PLEKHA6: variants seen among roughly 807,000 people sequenced by gnomAD.
PLEKHA6 encodes pleckstrin homology domain containing A6.
A neutral mutation model predicts 116.7 loss-of-function variants in PLEKHA6; 60 were observed. That is an observed-to-expected ratio of 0.51 (90% confidence interval 0.42 to 0.64). The LOEUF is 0.64. PLEKHA6 is among the 30% of genes least tolerant of loss of function. The probability of loss-of-function intolerance (pLI) is 0.00; values close to 1 mark genes in which losing one functional copy is unlikely to be tolerated. For synonymous variants in PLEKHA6, 489 were observed against 556.1 expected (o/e 0.88, Z 1.70); for missense variants, 1,338 against 1,422.7 (o/e 0.94, Z 0.96).
intron 1 of PLEKHA6, among the ~76,000 whole-genome samples, chr1:204,357,743 A>C (rs1673455121): frequency 6.6e-6 from 1 of 152,192 alleles, no homozygotes; most frequent in Non-Finnish European, 1.5e-5. Flanking sequence ...CCTGTTCAGC[A>C]CCAGTTGACA....
At chr1:204,234,347 T>A (rs1004867046) in intron 17 of PLEKHA6, among the ~76,000 whole-genome samples, 14 of 152,142 alleles carry the variant, frequency 9.2e-5, no homozygotes, top group African/African-American at 3.4e-4. Context: ...GGCACCTTGA[T>A]TTTGGACTTC....
Position 204,220,451 on chromosome 1 carries a change from G to A in PLEKHA6, c.*2337C>T, listed in dbSNP as rs921540851. Reference sequence around the variant, plus strand: ...GATGGAAGGAAGCCACTGTGGCAGAGGGACAGGCACAGGGTTGGGACCTAA... The same window carrying A: ...GATGGAAGGAAGCCACTGTGGCAGAAGGACAGGCACAGGGTTGGGACCTAA... On this transcript the variant is annotated 3_prime_UTR_variant, in exon 23 of 23. Coordinates refer to ENST00000272203, the MANE Select transcript of PLEKHA6 (RefSeq NM_014935.5). 2 of 152,622 alleles carry A rather than the reference G, an allele frequency of 1.3e-5. No individual in the cohort carries two copies. Among genetic ancestry groups the A allele is most frequent in the African/African-American group, 4.8e-5 (2 of 41,442 alleles). The allele number at this position is 152,622 out of a possible 1,614,324, so 9.5% of individuals were successfully genotyped here. A position where few individuals can be genotyped will look rare whatever the true frequency, so the allele number is the denominator to read the frequency against.
intron 1 of PLEKHA6, chr1:204,280,972 G>A (rs914025414): frequency 1.0e-6 from 1 of 981,154 alleles, no homozygotes; most frequent in Non-Finnish European, 1.2e-6. Context: ...AGGTCAAAGA[G>A]GGTCAGGCCC....
chr1:204,301,817 G>A (rs1183371959), intron 1 of PLEKHA6, among the ~76,000 whole-genome samples: 1 of 152,178 alleles, frequency 6.6e-6, no homozygotes, highest in African/African-American at 2.4e-5. Context: ...GTCAGTAACA[G>A]TGAAAAATGT....
intron 1 of PLEKHA6, among the ~76,000 whole-genome samples, chr1:204,307,170 A>G (rs1671397880): frequency 6.6e-6 from 1 of 152,184 alleles, no homozygotes; most frequent in African/African-American, 2.4e-5. Flanking sequence ...CACCACACAC[A>G]CACTCACACA....
intron 3 of PLEKHA6, among the ~76,000 whole-genome samples, chr1:204,272,375 T>G (rs974875546): frequency 6.6e-6 from 1 of 152,162 alleles, no homozygotes; most frequent in African/African-American, 2.4e-5. Flanking sequence ...CCTACTGGCC[T>G]GTTCCCCTCA....
chr1:204,345,908 C>G (rs1475738048), intron 1 of PLEKHA6, among the ~76,000 whole-genome samples: 2 of 152,218 alleles, frequency 1.3e-5, no homozygotes, highest in Non-Finnish European at 2.9e-5. Context: ...TGAACACACA[C>G]AAGAAAAGTG....
rs377000679 is a variant in PLEKHA6, at chr1:204,284,317, T to C, written c.-94-9508A>G. On this transcript the variant is annotated intron_variant, in intron 1 of 22. Transcript: ENST00000272203. ...CTCCTCACCTGCCCAGGGAGACCCA[T>C]TCTGCCTCCGGCCCCCAAGGAGGGC... is the stretch of plus-strand genomic sequence containing the variant. Among the ~76,000 whole-genome samples the C allele has an allele frequency of 6.6e-5, 10 of 152,302 alleles. No individual in the cohort carries two copies. In the East Asian group the frequency reaches 1.7e-3, roughly 26 times the overall value.
chr1:204,339,430 G>T (rs1478549261), intron 1 of PLEKHA6, among the ~76,000 whole-genome samples: 1 of 152,234 alleles, frequency 6.6e-6, no homozygotes, highest in African/African-American at 2.4e-5. Context: ...AACCTGGGCT[G>T]TTACTAGGGA....
At chr1:204,363,509 G>T (rs1244657652), upstream of PLEKHA6, among the ~76,000 whole-genome samples, 4 of 152,166 alleles carry the variant, frequency 2.6e-5, no homozygotes, top group African/African-American at 9.7e-5. Flanking sequence ...TGCAGAAAGC[G>T]TCCTGCCACG....
At position 204,265,171 on chromosome 1, in the gene PLEKHA6, T is replaced by C. The variant is rs528102205; in HGVS notation, c.281-129A>G. The C allele has an allele frequency of 7.2e-6, 5 of 697,798 alleles. No individual in the cohort carries two copies. The African/African-American group carries it at 8.7e-5, about 12-fold the overall frequency. The allele number at this position is 697,798 out of a possible 1,614,324, so 43.2% of individuals were successfully genotyped here. A position where few individuals can be genotyped will look rare whatever the true frequency, so the allele number is the denominator to read the frequency against. ...ATACATATTTGTTGTTCACCTCCTG[T>C]TTGTCAGGCACTCAGGGCCACCACA... On this transcript the variant is annotated intron_variant, in intron 5 of 22. Transcript: ENST00000272203.
intron 1 of PLEKHA6, among the ~76,000 whole-genome samples, chr1:204,286,571 T>C (rs1054151609): frequency 2.0e-5 from 3 of 152,204 alleles, no homozygotes; most frequent in Non-Finnish European, 2.9e-5. Flanking sequence ...AACTTCTGGC[T>C]GGGCCAGGAA....
chr1:204,251,355 A>T (rs768030939), intron 9 of PLEKHA6, among the ~76,000 whole-genome samples: 47 of 152,214 alleles, frequency 3.1e-4, no homozygotes, highest in Admixed American at 6.5e-4. Flanking sequence ...TTTACCCATG[A>T]AAGTGAAGAA....
intron 1 of PLEKHA6, chr1:204,301,430 C>T (rs1432683540): frequency 7.1e-6 from 7 of 985,250 alleles, no homozygotes; most frequent in Middle Eastern, 5.2e-4. Context: ...ATAGAGCTGG[C>T]GGAGGCAATG....
chr1:204,295,171 C>G (rs915256153), intron 1 of PLEKHA6, among the ~76,000 whole-genome samples: 9 of 152,140 alleles, frequency 5.9e-5, no homozygotes, highest in Admixed American at 6.5e-5. Context: ...GTCAACATTA[C>G]TGGACAGAAA....
At chr1:204,298,774 T>TA (rs1670535581) in intron 1 of PLEKHA6, among the ~76,000 whole-genome samples, 1 of 152,216 alleles carries the variant, frequency 6.6e-6, no homozygotes, top group Non-Finnish European at 1.5e-5. Flanking sequence ...TTACATGGGG[T>TA]AGCCACCTGA....
At chr1:204,332,659 C>T (rs1330600459) in intron 1 of PLEKHA6, among the ~76,000 whole-genome samples, 1 of 152,170 alleles carries the variant, frequency 6.6e-6, no homozygotes, top group Non-Finnish European at 1.5e-5. Flanking sequence ...GGATTACAGG[C>T]GTGAGCCACT....
At chr1:204,330,845 C>T (rs976928154) in intron 1 of PLEKHA6, among the ~76,000 whole-genome samples, 30 of 152,300 alleles carry the variant, frequency 2.0e-4, no homozygotes, top group Admixed American at 2.6e-4. Context: ...CGAAAACAAA[C>T]AGCATCTCCA....
chr1:204,369,334 G>C (rs991115591), intron 2 of PLEKHA6: 1 of 151,838 alleles, frequency 6.6e-6, no homozygotes, highest in Non-Finnish European at 1.5e-5. Flanking sequence ...TGTCTGGGCC[G>C]GGATGTGAGT....
Sources: gnomAD v4.1 joint callset for allele counts (sites outside exome capture counted in the v4.1 genomes callset) on GRCh38, gnomAD v4.1.1 for gene constraint, MANE v1.5 for transcripts, NCBI Gene and HGNC (gene_info 2026-07-23, HGNC 2026-07-21) for gene names.